The following SCHIP1 variants were observed in gnomAD, a reference collection of about 807,000 sequenced individuals.
SCHIP1 encodes schwannomin interacting protein 1.
In SCHIP1, 8 loss-of-function variants were observed where a neutral mutation model predicts 29.7. That is an observed-to-expected ratio of 0.27 (90% CI 0.16 to 0.49). SCHIP1 has a LOEUF of 0.49. Among genes scored for constraint, SCHIP1 ranks in the 20% least tolerant of loss-of-function variants. The pLI is 0.99. For synonymous variants in SCHIP1, 76 were observed against 94.9 expected (o/e 0.80, Z 1.16); for missense variants, 193 against 294.6 (o/e 0.66, Z 2.52).
the SCHIP1 span, among the ~76,000 whole-genome samples, chr3:159,672,212 C>T: frequency 6.6e-6 from 1 of 152,194 alleles, no homozygotes; most frequent in Admixed American, 6.5e-5. Context: ...TCATTCTTCA[C>T]AAGGTATGGA....
At chr3:159,575,789 T>G in the SCHIP1 span, among the ~76,000 whole-genome samples, 1 of 152,184 alleles carries the variant, frequency 6.6e-6, no homozygotes, top group Non-Finnish European at 1.5e-5. Flanking sequence ...AGTTGATCAG[T>G]AATTCTACAC....
chr3:159,462,447 T>C, the SCHIP1 span, among the ~76,000 whole-genome samples: 2 of 152,112 alleles, frequency 1.3e-5, no homozygotes, highest in African/African-American at 2.4e-5. Flanking sequence ...GCAGGACCTC[T>C]GGTATCTCTC....
the SCHIP1 span, among the ~76,000 whole-genome samples, chr3:159,630,405 A>G: frequency 6.6e-6 from 1 of 152,198 alleles, no homozygotes; most frequent in African/African-American, 2.4e-5. Context: ...CACAATAGCA[A>G]AACTATGGAA....
the SCHIP1 span, among the ~76,000 whole-genome samples, chr3:159,589,688 G>C: frequency 1.3e-5 from 2 of 152,100 alleles, no homozygotes; most frequent in African/African-American, 4.8e-5. Flanking sequence ...CTGAGGACAG[G>C]CTTTGGCAGA....
At chr3:159,651,176 A>C in the SCHIP1 span, among the ~76,000 whole-genome samples, 1 of 152,242 alleles carries the variant, frequency 6.6e-6, no homozygotes, top group Non-Finnish European at 1.5e-5. Context: ...GAAAATATAC[A>C]ATTCATTACC....
chr3:159,310,023 C>T, the SCHIP1 span, among the ~76,000 whole-genome samples: 119 of 152,260 alleles, frequency 7.8e-4, 2 homozygotes, highest in South Asian at 0.023. Flanking sequence ...AATATAAAAT[C>T]CAGGGTTCAG....
At chr3:159,380,545 A>G in the SCHIP1 span, among the ~76,000 whole-genome samples, 1 of 152,198 alleles carries the variant, frequency 6.6e-6, no homozygotes, top group Admixed American at 6.5e-5. Context: ...ATATTAACAT[A>G]AAACATTAAT....
the SCHIP1 span, among the ~76,000 whole-genome samples, chr3:159,371,539 GT>G: frequency 6.6e-6 from 1 of 152,154 alleles, no homozygotes; most frequent in Non-Finnish European, 1.5e-5. Context: ...ACATCACAGT[GT>G]TTTAAAAGTT....
intron 6 of SCHIP1, 92 bp from the exon 8 acceptor site, chr3:159,896,631 A>G: frequency 7.7e-7 from 1 of 1,295,380 alleles, no homozygotes; most frequent in East Asian, 2.6e-5. Flanking sequence ...AGTAACTCTG[A>G]ACTTCAGTTT....
chr3:159,279,972 G>A, the SCHIP1 span, among the ~76,000 whole-genome samples: 1 of 152,150 alleles, frequency 6.6e-6, no homozygotes, highest in Non-Finnish European at 1.5e-5. Flanking sequence ...CCTGAACTGG[G>A]CCATGCCATT....
the SCHIP1 span, among the ~76,000 whole-genome samples, chr3:159,349,355 A>G: frequency 6.6e-6 from 1 of 152,224 alleles, no homozygotes; most frequent in African/African-American, 2.4e-5. Flanking sequence ...TTTATACATT[A>G]AAAAGTATCT....
the SCHIP1 span, among the ~76,000 whole-genome samples, chr3:159,777,222 C>T: frequency 2.6e-5 from 4 of 152,224 alleles, no homozygotes; most frequent in African/African-American, 9.6e-5. Flanking sequence ...CCAACCTCCT[C>T]ACTTTTCATA....
the SCHIP1 span, among the ~76,000 whole-genome samples, chr3:159,365,774 C>T: frequency 1.3e-5 from 2 of 152,086 alleles, no homozygotes; most frequent in Non-Finnish European, 2.9e-5. Flanking sequence ...CTCAGTGTGG[C>T]CCAAAGCAAT....
At chr3:159,576,508 G>T in the SCHIP1 span, among the ~76,000 whole-genome samples, 2 of 152,110 alleles carry the variant, frequency 1.3e-5, no homozygotes, top group Non-Finnish European at 1.5e-5. Context: ...GGGATTTGTT[G>T]TGCTTAATTT....
At chr3:159,731,409 C>T in the SCHIP1 span, among the ~76,000 whole-genome samples, 3 of 152,232 alleles carry the variant, frequency 2.0e-5, no homozygotes. Context: ...CCTCAAGCTT[C>T]AGCTGTGGGC....
the SCHIP1 span, among the ~76,000 whole-genome samples, chr3:159,507,275 T>G: frequency 0.013 from 1,904 of 152,080 alleles, 34 homozygotes; most frequent in Admixed American, 0.047. Context: ...GTTTGTCTGT[T>G]ATTGGTGTAT....
chr3:159,792,419 G>T, the SCHIP1 span, among the ~76,000 whole-genome samples: 10 of 152,220 alleles, frequency 6.6e-5, no homozygotes, highest in Non-Finnish European at 1.5e-4. Context: ...TTAAAGAATT[G>T]TATGTGGTAA....
intron 2 of SCHIP1, among the ~76,000 whole-genome samples, chr3:159,878,294 A>T (rs889560142): frequency 1.3e-5 from 2 of 151,704 alleles, no homozygotes; most frequent in African/African-American, 4.9e-5. Context: ...CCTGGCCAAC[A>T]TGGTGAAACC....
At chr3:159,319,640 A>G in the SCHIP1 span, among the ~76,000 whole-genome samples, 1 of 152,224 alleles carries the variant, frequency 6.6e-6, no homozygotes, top group Admixed American at 6.5e-5. Flanking sequence ...CAGTGATGTT[A>G]ATATTTAAAG....
Sources: gnomAD v4.1 joint callset for allele counts (sites outside exome capture counted in the v4.1 genomes callset) on GRCh38, gnomAD v4.1.1 for gene constraint, MANE v1.5 for transcripts, NCBI Gene and HGNC (gene_info 2026-07-23, HGNC 2026-07-21) for gene names.